The following KALRN variants were observed in gnomAD, a reference collection of about 807,000 sequenced individuals.
The protein encoded by KALRN is kalirin RhoGEF kinase.
In KALRN, 70 loss-of-function variants were observed where a neutral mutation model predicts 353.7. The ratio of observed to expected loss-of-function variants is 0.20; its 90% CI spans 0.16 to 0.24. KALRN has a LOEUF of 0.24. Ranked by LOEUF, KALRN falls within the 10% of genes least tolerant of loss-of-function variation. The pLI, the probability that KALRN is intolerant of heterozygous loss-of-function variation, is 1.00. For synonymous variants in KALRN, 1,391 were observed against 1,434.8 expected (o/e 0.97, Z 0.69); for missense variants, 2,791 against 3,756.7 (o/e 0.74, Z 6.72).
intron 1 of KALRN, among the ~76,000 whole-genome samples, chr3:124,074,483 TAA>T (rs1304861516): frequency 6.6e-6 from 1 of 152,196 alleles, no homozygotes; most frequent in African/African-American, 2.4e-5. Context: ...CAGGCATACG[TAA>T]GTTTTGGAGC....
intron 34 of KALRN, among the ~76,000 whole-genome samples, chr3:124,575,007 A>G (rs182340514): frequency 1.5e-3 from 229 of 152,318 alleles, no homozygotes; most frequent in African/African-American, 5.2e-3. Context: ...CCGAGGATCT[A>G]TGTGGGGGTG....
intron 1 of KALRN, among the ~76,000 whole-genome samples, chr3:124,160,396 C>T (rs1472447951): frequency 6.6e-6 from 1 of 151,858 alleles, no homozygotes; most frequent in Non-Finnish European, 1.5e-5. Flanking sequence ...TTAGAATGAT[C>T]AGGAATAAAA....
chr3:124,635,083 T>C (rs2081211264), intron 36 of KALRN, among the ~76,000 whole-genome samples: 1 of 152,150 alleles, frequency 6.6e-6, no homozygotes, highest in South Asian at 2.1e-4. Flanking sequence ...ACTCACCTAG[T>C]CGTGGCCCCT....
intron 3 of KALRN, among the ~76,000 whole-genome samples, chr3:124,262,187 T>C (rs576184791): frequency 2.0e-5 from 3 of 152,160 alleles, no homozygotes; most frequent in Non-Finnish European, 4.4e-5. Context: ...AGTTATGGTA[T>C]AGGCATAAGA....
intron 25 of KALRN, among the ~76,000 whole-genome samples, chr3:124,465,731 A>G (rs1310240692): frequency 6.6e-6 from 1 of 152,210 alleles, no homozygotes; most frequent in Non-Finnish European, 1.5e-5. Context: ...GTTGCAATTA[A>G]GCATTGTCTA....
chr3:124,216,698 T>C (rs1215463722), intron 1 of KALRN, among the ~76,000 whole-genome samples: 3 of 152,202 alleles, frequency 2.0e-5, no homozygotes, highest in Non-Finnish European at 4.4e-5. Context: ...TTCTTTCCTA[T>C]TTAGCACTTA....
chr3:124,408,201 G>A (rs2091786621), intron 13 of KALRN, among the ~76,000 whole-genome samples: 1 of 148,562 alleles, frequency 6.7e-6, no homozygotes, highest in Admixed American at 6.8e-5. Context: ...AAAAAAATAT[G>A]ATTAATTTAA....
chr3:124,132,400 T>A (rs752836103), intron 1 of KALRN, among the ~76,000 whole-genome samples: 36 of 152,142 alleles, frequency 2.4e-4, no homozygotes, highest in Admixed American at 8.5e-4. Context: ...AGAACACTGA[T>A]GGGAGGAGAA....
chr3:124,210,927 G>A (rs1425234733), intron 1 of KALRN, among the ~76,000 whole-genome samples: 2 of 152,158 alleles, frequency 1.3e-5, no homozygotes, highest in African/African-American at 4.8e-5. Context: ...TTTCCTGTGG[G>A]AACTATAATG....
At chr3:124,406,107 G>A (rs1326047866) in intron 13 of KALRN, among the ~76,000 whole-genome samples, 4 of 152,130 alleles carry the variant, frequency 2.6e-5, no homozygotes, top group Non-Finnish European at 4.4e-5. Flanking sequence ...ACATTATTTT[G>A]CCAAAAATTA....
chr3:124,390,812 G>A lies in KALRN; in HGVS notation c.1963-4323G>A, dbSNP rs534150540. Among the ~76,000 whole-genome samples the A allele has an allele frequency of 4.6e-5, 7 of 152,188 alleles. No individual in the cohort carries two copies. In the East Asian group the frequency reaches 5.8e-4, roughly 13 times the overall value. ...GACCTCTTTCCTTAACCACTCATCC[G>A]TAAGCCTTGTTATTTTTCTTACAAA... On this transcript the variant is annotated intron_variant, in intron 11 of 59. Coordinates refer to ENST00000682506, the MANE Select transcript of KALRN (RefSeq NM_001388419.1).
At chr3:124,695,741 T>C (rs1360437322) in intron 53 of KALRN, among the ~76,000 whole-genome samples, 2 of 148,632 alleles carry the variant, frequency 1.3e-5, no homozygotes, top group African/African-American at 2.5e-5. Flanking sequence ...AGTCTTTCCT[T>C]TTTTTTTTTC....
chr3:124,614,344 A>G (rs1330578641), intron 34 of KALRN, among the ~76,000 whole-genome samples: 1 of 151,284 alleles, frequency 6.6e-6, no homozygotes, highest in Non-Finnish European at 1.5e-5. Context: ...TCACGGCTCA[A>G]TGCAGCCTCG....
At chr3:124,504,915 A>G (rs749137358) in intron 33 of KALRN, 4 of 508,570 alleles carry the variant, frequency 7.9e-6, no homozygotes. Context: ...GTTAAAGTGG[A>G]TTAGCTGGAG....
At chr3:124,476,703 G>T (rs1484748256) in intron 26 of KALRN, among the ~76,000 whole-genome samples, 1 of 152,124 alleles carries the variant, frequency 6.6e-6, no homozygotes, top group Non-Finnish European at 1.5e-5. Context: ...CTCTGCCCCA[G>T]GGGGTCACTC....
chr3:124,118,107 G>A (rs1293690176), intron 1 of KALRN, among the ~76,000 whole-genome samples: 2 of 152,202 alleles, frequency 1.3e-5, no homozygotes, highest in Non-Finnish European at 2.9e-5. Context: ...TGGCATGGAG[G>A]TAGGCAGAGG....
At chr3:124,468,251 G>A (rs1003779682) in intron 25 of KALRN, among the ~76,000 whole-genome samples, 17 of 152,162 alleles carry the variant, frequency 1.1e-4, no homozygotes, top group African/African-American at 3.9e-4. Context: ...ATGCACTGTG[G>A]TATTTTGTGT....
At chr3:124,637,520 T>C (rs2081494828) in intron 37 of KALRN, among the ~76,000 whole-genome samples, 1 of 152,214 alleles carries the variant, frequency 6.6e-6, no homozygotes, top group South Asian at 2.1e-4. Context: ...GCTGCAGTGT[T>C]GATGAAAGTT....
rs1019559374 is a variant in KALRN at position 124,720,916 on chromosome 3, A to G, written c.*1446A>G. Reference sequence around the variant, plus strand: ...TAGTTTTCTAGAATGTGTGTTGAAAATTGCGATTATACAAGTAAGATTTTA... The same window carrying G: ...TAGTTTTCTAGAATGTGTGTTGAAAGTTGCGATTATACAAGTAAGATTTTA... On this transcript the variant is annotated 3_prime_UTR_variant, in exon 60 of 60. Transcript: ENST00000682506. 7 of 152,178 alleles carry G rather than the reference A, an allele frequency of 4.6e-5. No homozygotes were observed. The highest frequency in any genetic ancestry group is 8.8e-5 in the Non-Finnish European group (6 of 68,022). The allele number at this position is 152,178 out of a possible 1,614,324, so 9.4% of individuals were successfully genotyped here. A position where few individuals can be genotyped will look rare whatever the true frequency, so the allele number is the denominator to read the frequency against.
Sources: allele counts gnomAD v4.1 joint callset (sites outside exome capture counted in the v4.1 genomes callset), GRCh38; gene constraint gnomAD v4.1.1; transcripts MANE v1.5; gene names NCBI Gene and HGNC (gene_info 2026-07-23, HGNC 2026-07-21).